CACNA1C: variants seen among roughly 807,000 people sequenced by gnomAD.
The protein encoded by CACNA1C is calcium voltage-gated channel subunit alpha1 C.
A neutral mutation model predicts 229.0 loss-of-function variants in CACNA1C; 30 were observed. The ratio of observed to expected loss-of-function variants is 0.13; its 90% confidence interval spans 0.10 to 0.18. The LOEUF is 0.18. CACNA1C is among the 10% of genes least tolerant of loss of function. The probability of loss-of-function intolerance (pLI) is 1.00; values close to 1 mark genes in which losing one functional copy is unlikely to be tolerated. For missense variants in CACNA1C, 1,658 were observed against 2,845.0 expected (o/e 0.58, Z 9.49); for synonymous variants, 1,114 against 1,132.5 (o/e 0.98, Z 0.33).
intron 3 of CACNA1C, among the ~76,000 whole-genome samples, chr12:2,372,431 C>A (rs1030690712): frequency 6.6e-6 from 1 of 152,124 alleles, no homozygotes; most frequent in Admixed American, 6.5e-5. Flanking sequence ...ATAGCAACAT[C>A]AGGTTGACTC....
intron 10 of CACNA1C, among the ~76,000 whole-genome samples, chr12:2,552,514 G>A (rs1005815395): frequency 2.6e-5 from 4 of 152,224 alleles, no homozygotes; most frequent in Admixed American, 2.0e-4. Context: ...TCAGAAGAGT[G>A]TGAGAAGTCA....
chr12:2,090,310 C>CTTTTTTTTTT lies in CACNA1C; in HGVS notation c.50-24898_50-24889dup, dbSNP rs145675982. On this transcript the variant is annotated intron_variant, in intron 1 of 46. Coordinates refer to ENST00000399655, the MANE Select transcript of CACNA1C (RefSeq NM_000719.7). ...AATAGTCCATTTTATGGATAGACTA[C>CTTTTTTTTTT]TTTTTTTTTTTTTTTTTTTTTTTTT... 1.6e-4 allele frequency among the ~76,000 whole-genome samples: 11 copies of CTTTTTTTTTT among 69,198 alleles called. 1 individual carries two copies. Among genetic ancestry groups the CTTTTTTTTTT allele is most frequent in the Non-Finnish European group, 2.0e-4 (8 of 39,518 alleles). 45.4% of individuals were successfully genotyped at this position (69,198 alleles called of 152,430 possible).
upstream of CACNA1C, among the ~76,000 whole-genome samples, chr12:2,052,212 G>C (rs1265723052): frequency 6.6e-6 from 1 of 152,114 alleles, no homozygotes; most frequent in Admixed American, 6.5e-5. Context: ...ACACGTGCTC[G>C]GCTGCCTCCA....
chr12:2,122,211 G>T (rs990721500), intron 3 of CACNA1C, among the ~76,000 whole-genome samples: 2 of 152,170 alleles, frequency 1.3e-5, no homozygotes, highest in African/African-American at 4.8e-5. Context: ...TCACATCACA[G>T]AGTGATGGAA....
chr12:2,094,535 A>T (rs2072948806), intron 1 of CACNA1C, among the ~76,000 whole-genome samples: 1 of 152,200 alleles, frequency 6.6e-6, no homozygotes, highest in Non-Finnish European at 1.5e-5. Context: ...CCACTAGTGA[A>T]TTGCAGAATC....
chr12:2,544,972 C>T (rs1008679651), intron 9 of CACNA1C, among the ~76,000 whole-genome samples: 11 of 152,142 alleles, frequency 7.2e-5, no homozygotes, highest in Non-Finnish European at 7.3e-5. Flanking sequence ...GTAATGGTTT[C>T]GCTGGGATTC....
At chr12:2,572,954 C>A (rs1414559939) in intron 13 of CACNA1C, among the ~76,000 whole-genome samples, 1 of 63,052 alleles carries the variant, frequency 1.6e-5, no homozygotes, top group Non-Finnish European at 3.4e-5. Context: ...TCTCCTCTTC[C>A]TCTTCCTCCT....
intron 3 of CACNA1C, among the ~76,000 whole-genome samples, chr12:2,394,751 G>C (rs1023923099): frequency 3.3e-5 from 5 of 152,164 alleles, no homozygotes; most frequent in African/African-American, 1.2e-4. Flanking sequence ...AGGGCTATCA[G>C]GATCAGGAGC....
At position 2,649,345 on chromosome 12, in the gene CACNA1C, T is replaced by C. The variant is rs1301693824; in HGVS notation, c.3945+838T>C. Among the ~76,000 whole-genome samples, 1 of 152,200 alleles carries C rather than the reference T, an allele frequency of 6.6e-6. No individual in the cohort carries two copies. Among genetic ancestry groups the C allele is most frequent in the East Asian group, 1.9e-4 (1 of 5,190 alleles). On this transcript the variant is annotated intron_variant, in intron 31 of 46. Transcript: ENST00000399655. The surrounding 1 kb of genome is among the most constrained non-coding windows in gnomAD (Gnocchi z 4.4). ...TTTTTAGAAGGACCAGTGGGGTTGA[T>C]TGACCAAGCCACCAAGTCTGCAGGC...
intron 3 of CACNA1C, among the ~76,000 whole-genome samples, chr12:2,217,214 T>C (rs894082304): frequency 1.3e-5 from 2 of 152,154 alleles, no homozygotes; most frequent in South Asian, 4.1e-4. Context: ...GACAAATTTA[T>C]AGAGACAGAA....
At chr12:2,475,412 A>G (rs2099621407) in intron 5 of CACNA1C, among the ~76,000 whole-genome samples, 1 of 152,254 alleles carries the variant, frequency 6.6e-6, no homozygotes, top group Non-Finnish European at 1.5e-5. Flanking sequence ...TAGACCATAG[A>G]AATAGACCCA....
At chr12:2,427,624 A>AT (rs898781274) in intron 3 of CACNA1C, among the ~76,000 whole-genome samples, 6 of 151,830 alleles carry the variant, frequency 4.0e-5, no homozygotes, top group African/African-American at 1.2e-4. Flanking sequence ...CTTTATTTTT[A>AT]TTTTTTTATT....
rs555455653 is a variant in CACNA1C at position 2,348,138 on chromosome 12, G to A, written c.478-100838G>A. Among the ~76,000 whole-genome samples, 43 of 152,358 alleles carry A rather than the reference G, an allele frequency of 2.8e-4. 1 individual carries two copies. In the South Asian group the frequency reaches 8.9e-3, roughly 32 times the overall value. On this transcript the variant is annotated intron_variant, in intron 3 of 46. Transcript: ENST00000399655. This position sits in a 1 kb window ranked among gnomAD's most constrained non-coding sequence, Gnocchi z 4.7. The stretch of plus-strand genomic sequence containing the variant: ...AGGGGAGCCCCTCCTGCCTGCTGCA[G>A]GAGTGGGAGCGTGGGGCTAGCTGCC...
chr12:2,035,569 C>G (rs150988143), intron 1 of CACNA1C, among the ~76,000 whole-genome samples: 1 of 152,338 alleles, frequency 6.6e-6, no homozygotes, highest in Non-Finnish European at 1.5e-5. Context: ...TCAACAGAGC[C>G]CTGTGGGCCT....
At chr12:2,429,918 C>T (rs1448531843) in intron 3 of CACNA1C, among the ~76,000 whole-genome samples, 3 of 152,144 alleles carry the variant, frequency 2.0e-5, no homozygotes, top group Admixed American at 6.5e-5. Flanking sequence ...ATTTGAGCAG[C>T]GCCTTAGTCA....
In CACNA1C at chr12:2,486,483, T is replaced by C. The variant is rs1156473599; in HGVS notation, c.916+221T>C. ...TCTGTTAAACCGGCCTAACGCAAACTTCGTTCAGCACTTTTCAATAAGCTA... is the reference window on the plus strand; with the variant it reads ...TCTGTTAAACCGGCCTAACGCAAACCTCGTTCAGCACTTTTCAATAAGCTA... On this transcript the variant is annotated intron_variant, in intron 6 of 46. Transcript: ENST00000399655. The surrounding 1 kb of genome is among the most constrained non-coding windows in gnomAD (Gnocchi z 4.9). Among the ~76,000 whole-genome samples the C allele has an allele frequency of 6.6e-6, 1 of 152,236 alleles. No homozygotes were observed. Among genetic ancestry groups the C allele is most frequent in the Non-Finnish European group, 1.5e-5 (1 of 68,040 alleles).
At position 2,639,973 on chromosome 12, in the gene CACNA1C, G is replaced by T. The variant is rs576684864; in HGVS notation, c.3912+5593G>T. Reference sequence around the variant, plus strand: ...CTGGGCACAGCTCTCAGGAGGAATTGCTGGAGGCTTTGCACGATGCACAGG... The same window carrying T: ...CTGGGCACAGCTCTCAGGAGGAATTTCTGGAGGCTTTGCACGATGCACAGG... On this transcript the variant is annotated intron_variant, in intron 30 of 46. Coordinates refer to ENST00000399655, the MANE Select transcript of CACNA1C (RefSeq NM_000719.7). This position sits in a 1 kb window ranked among gnomAD's most constrained non-coding sequence, Gnocchi z 4.2. 3.9e-5 allele frequency among the ~76,000 whole-genome samples: 6 copies of T among 152,306 alleles called. No homozygotes were observed. Among genetic ancestry groups the T allele is most frequent in the African/African-American group, 1.4e-4 (6 of 41,566 alleles).
intron 29 of CACNA1C, among the ~76,000 whole-genome samples, chr12:2,623,748 A>G (rs547426554): frequency 5.6e-4 from 85 of 152,264 alleles, no homozygotes; most frequent in African/African-American, 2.0e-3. Context: ...AACGGAAGAC[A>G]AGACAGGCAG....
At chr12:2,216,289 G>A (rs1391452466) in intron 3 of CACNA1C, among the ~76,000 whole-genome samples, 1 of 152,174 alleles carries the variant, frequency 6.6e-6, no homozygotes, top group East Asian at 1.9e-4. Context: ...TGCCTTGAAA[G>A]GACTAGATTA....
Sources: allele counts gnomAD v4.1 joint callset (sites outside exome capture counted in the v4.1 genomes callset), GRCh38; gene constraint gnomAD v4.1.1; non-coding constraint Gnocchi (gnomAD v3.1); transcripts MANE v1.5; gene names NCBI Gene and HGNC (gene_info 2026-07-23, HGNC 2026-07-21).